OR7A5: variants seen among roughly 807,000 people sequenced by gnomAD.
OR7A5 encodes olfactory receptor family 7 subfamily A member 5.
For missense variants in OR7A5, 319 were observed against 377.9 expected (o/e 0.84, Z 1.29); for synonymous variants, 140 against 146.7 (o/e 0.95, Z 0.33).
chr19:14,829,909 C>A (rs10405349), intron 1 of OR7A5, among the ~76,000 whole-genome samples: 44,404 of 152,024 alleles, frequency 0.29, 6,840 homozygotes, highest in East Asian at 0.55. Flanking sequence ...AGGGCCCAGG[C>A]AGGAGTGCAG....
chr19:14,833,415 G>T (rs959416187), intron 1 of OR7A5, among the ~76,000 whole-genome samples: 2 of 152,220 alleles, frequency 1.3e-5, no homozygotes, highest in Admixed American at 6.5e-5. Context: ...GGAAGCGAAG[G>T]TTGCAGTGAG....
At chr19:14,833,607 G>T (rs2044855270) in intron 1 of OR7A5, among the ~76,000 whole-genome samples, 1 of 152,116 alleles carries the variant, frequency 6.6e-6, no homozygotes, top group African/African-American at 2.4e-5. Context: ...TTTAACTAAA[G>T]AATATTTTAA....
At chr19:14,832,214 A>G (rs2044840203) in intron 1 of OR7A5, among the ~76,000 whole-genome samples, 1 of 151,806 alleles carries the variant, frequency 6.6e-6, no homozygotes, top group South Asian at 2.1e-4. Context: ...TTGGCCTGAC[A>G]ATTCTATTAT....
intron 1 of OR7A5, among the ~76,000 whole-genome samples, chr19:14,833,590 G>A (rs2044855208): frequency 6.6e-6 from 1 of 152,308 alleles, no homozygotes; most frequent in African/African-American, 2.4e-5. Context: ...AAGATGATAG[G>A]TATATATTTA....
chr19:14,828,057 A>G lies in OR7A5; in HGVS notation c.185T>C (p.Phe62Ser). 1 of 1,614,158 alleles carries G rather than the reference A, an allele frequency of 6.2e-7. No individual in the cohort carries two copies. ...GTCAGCAAAGGACAGGTTGGAGAGG[A>G]AGAAGTACATGGGGGTGTGGAGGTG... ...DSHLHTPMYF[F>S]LSNLSFADIC... Residue 62 changes from phenylalanine to serine, a missense_variant, in exon 2 of 2, where the codon TTC becomes TCC. By Grantham distance (155) the Phe-to-Ser change is radical. Transcript: ENST00000322301.
rs2044774130 is a variant in OR7A5, at chr19:14,827,013, G to A, written c.*269C>T. 6.9e-6 allele frequency: 2 copies of A among 289,196 alleles called. No individual in the cohort carries two copies. Among genetic ancestry groups the A allele is most frequent in the Admixed American group, 9.3e-5 (2 of 21,536 alleles). The allele number at this position is 289,196 out of a possible 1,614,324, so 17.9% of individuals were successfully genotyped here. On this transcript the variant is annotated 3_prime_UTR_variant, in exon 2 of 2. Transcript: ENST00000322301. ...GGAGACATACAACTCTTCCCTGTAT[G>A]AGACAAATGGAAATCTCCAAAGTGT...
intron 1 of OR7A5, among the ~76,000 whole-genome samples, chr19:14,831,037 C>T (rs2044827220): frequency 6.6e-6 from 1 of 152,212 alleles, no homozygotes; most frequent in South Asian, 2.1e-4. Flanking sequence ...TTCTTGCTAA[C>T]CTGCCCATTG....
intron 1 of OR7A5, among the ~76,000 whole-genome samples, chr19:14,830,663 A>T (rs2044822919): frequency 1.3e-5 from 2 of 152,176 alleles, no homozygotes; most frequent in Admixed American, 1.3e-4. Flanking sequence ...ATGATTATTA[A>T]AGTTTTAGCT....
At chr19:14,830,535 C>T (rs1053383935) in intron 1 of OR7A5, among the ~76,000 whole-genome samples, 2 of 152,142 alleles carry the variant, frequency 1.3e-5, no homozygotes, top group African/African-American at 4.8e-5. Context: ...TTTCAGCTTC[C>T]ATTGTATCTC....
chr19:14,827,286 G>A lies in OR7A5; in HGVS notation c.956C>T (p.Pro319Leu). The A allele has an allele frequency of 6.5e-7, 1 of 1,546,840 alleles. No homozygotes were observed. The highest frequency in any genetic ancestry group is 8.7e-7 in the Non-Finnish European group (1 of 1,151,450). ...TMKGQFFKKC[P>L] ...CTGAAGCTTAGAGCCCTGCAATCAT[G>A]GGCACTTCTTGAAAAATTGCCCTTT... The change falls in exon 2 of 2, where the codon CCA becomes CTA. Residue 319 changes from proline to leucine, a missense_variant. Physicochemically the swap from Pro to Leu is moderately conservative, Grantham distance 98. Coordinates refer to ENST00000322301, the MANE Select transcript of OR7A5 (RefSeq NM_017506.2).
At chr19:14,832,208 C>T (rs993636779) in intron 1 of OR7A5, among the ~76,000 whole-genome samples, 2 of 152,220 alleles carry the variant, frequency 1.3e-5, no homozygotes, top group South Asian at 4.1e-4. Context: ...CCTCGCTTGG[C>T]CTGACAATTC....
At chr19:14,828,316 A>G in intron 1 of OR7A5, 62 bp from the exon 2 acceptor site, 1 of 1,431,598 alleles carries the variant, frequency 7.0e-7, no homozygotes, top group Non-Finnish European at 9.5e-7. Flanking sequence ...ACCTTTCAGA[A>G]ATACCATCAT....
At position 14,826,517 on chromosome 19, in the gene OR7A5, T is replaced by A. The variant is rs1249490277; in HGVS notation, c.*765A>T. On this transcript the variant is annotated 3_prime_UTR_variant, in exon 2 of 2. Coordinates refer to ENST00000322301, the MANE Select transcript of OR7A5 (RefSeq NM_017506.2). ...TCACTCCAATAAATAAACTTATATA[T>A]GGGCACTAAGCTTCCATACTTCAAT... The A allele has an allele frequency of 6.6e-6, 1 of 152,142 alleles. No individual in the cohort carries two copies. The highest frequency in any genetic ancestry group is 1.5e-5 in the Non-Finnish European group (1 of 68,020). 9.4% of individuals were successfully genotyped at this position (152,142 alleles called of 1,614,324 possible).
At position 14,827,195 on chromosome 19, in the gene OR7A5, A is replaced by C; in HGVS notation, c.*87T>G. 2.3e-6 allele frequency: 3 copies of C among 1,287,500 alleles called. No homozygotes were observed. The highest frequency in any genetic ancestry group is 3.1e-6 in the Non-Finnish European group (3 of 975,224). The allele number at this position is 1,287,500 out of a possible 1,614,324, so 79.8% of individuals were successfully genotyped here. On this transcript the variant is annotated 3_prime_UTR_variant, in exon 2 of 2. Transcript: ENST00000322301. Reference sequence around the variant, plus strand: ...ACAAATTGAAACTCCCAGAAATATAATAAGTATTAATAGAAGGAGCAAGTT... The same window carrying C: ...ACAAATTGAAACTCCCAGAAATATACTAAGTATTAATAGAAGGAGCAAGTT...
In OR7A5 at chr19:14,827,447, G is replaced by A. The variant is rs1252950204; in HGVS notation, c.795C>T (p.Thr265=). ...CTGTTGCACTTGAGTGTGAGTTGCG[G>A]GTGGCAGCAGAACTAAGGTACACCC... ...ILGVYLSSAA[T]RNSHSSATAS... The change falls in exon 2 of 2, where the codon ACC becomes ACT. Residue 265 remains threonine (T), a synonymous_variant. Transcript: ENST00000322301. 1.9e-6 allele frequency: 3 copies of A among 1,614,070 alleles called. No individual in the cohort carries two copies. Among genetic ancestry groups the A allele is most frequent in the South Asian group, 2.2e-5 (2 of 91,076 alleles).
At chr19:14,828,733 C>T (rs1045351830) in intron 1 of OR7A5, among the ~76,000 whole-genome samples, 1 of 129,454 alleles carries the variant, frequency 7.7e-6, no homozygotes, top group Non-Finnish European at 1.5e-5. Context: ...GCACTCCAGC[C>T]TGGTGACAGA....
At chr19:14,831,664 C>T (rs181104068) in intron 1 of OR7A5, among the ~76,000 whole-genome samples, 2,638 of 152,040 alleles carry the variant, frequency 0.017, 69 homozygotes, top group African/African-American at 0.06. Context: ...AGGATGGTCT[C>T]GATCTCCTGA....
At chr19:14,831,182 C>T (rs2044828520) in intron 1 of OR7A5, among the ~76,000 whole-genome samples, 2 of 152,112 alleles carry the variant, frequency 1.3e-5, no homozygotes, top group African/African-American at 4.8e-5. Flanking sequence ...ACTAATGATA[C>T]CTTTTTTGGC....
In OR7A5 at chr19:14,827,695, G is replaced by A. The variant is rs374657730; in HGVS notation, c.547C>T (p.Gln183Ter). The A allele has an allele frequency of 6.2e-7, 1 of 1,614,162 alleles. No individual in the cohort carries two copies. The highest frequency in any genetic ancestry group is 1.7e-5 in the Admixed American group (1 of 60,016). The change falls in exon 2 of 2, where the codon CAG becomes TAG. Residue 183 changes from glutamine to a stop codon, truncating the protein, a stop_gained. Transcript: ENST00000322301. LOFTEE classifies it low-confidence loss of function (END_TRUNC). ...EIPHFFCELN[Q>*]VIQLACSDSF... ...TCAGAACAAGCAAGTTGGATGACCTGATTAAGTTCACAGAAAAAGTGGGGG... is the reference window on the plus strand; with the variant it reads ...TCAGAACAAGCAAGTTGGATGACCTAATTAAGTTCACAGAAAAAGTGGGGG...
Sources: allele counts gnomAD v4.1 joint callset (sites outside exome capture counted in the v4.1 genomes callset), GRCh38; gene constraint gnomAD v4.1.1; transcripts MANE v1.5; gene names NCBI Gene and HGNC (gene_info 2026-07-23, HGNC 2026-07-21).